CSMD3: variants seen among roughly 807,000 people sequenced by gnomAD.
CSMD3 encodes the protein CUB and Sushi multiple domains 3.
CSMD3 carries 177 observed loss-of-function variants against 435.2 expected under a neutral mutation model. The ratio of observed to expected loss-of-function variants is 0.41; its 90% CI spans 0.36 to 0.46. The LOEUF is 0.46. Ranked by LOEUF, CSMD3 falls within the 20% of genes least tolerant of loss-of-function variation. CSMD3 has a pLI of 0.34. For missense variants in CSMD3, 4,265 were observed against 4,504.6 expected (o/e 0.95, Z 1.52); for synonymous variants, 1,656 against 1,520.5 (o/e 1.09, Z -2.07).
In CSMD3 at chr8:112,380,440, A is replaced by G. The variant is rs2131235290; in HGVS notation, c.6048T>C (p.His2016=). Residue 2016 remains histidine, a synonymous_variant, in exon 38 of 71, where the codon CAT becomes CAC. Coordinates refer to ENST00000297405, the MANE Select transcript of CSMD3 (RefSeq NM_198123.2). ...LGSYSGTTIP[H]LLNSTSNNLY... is the part of the protein sequence containing the mutation. ...GATTATTAGACGTACTATTCAAAAG[A>G]TGGGGTATTGTTGTTCCTGAAATGA... 6.4e-7 allele frequency: 1 copy of G among 1,574,138 alleles called. No homozygotes were observed. The highest frequency in any genetic ancestry group is 8.7e-7 in the Non-Finnish European group (1 of 1,143,968).
At chr8:113,194,561 A>G (rs999124752) in intron 3 of CSMD3, among the ~76,000 whole-genome samples, 1 of 151,288 alleles carries the variant, frequency 6.6e-6, no homozygotes. Flanking sequence ...AATGATAATG[A>G]TTTGTCAATA....
chr8:112,358,800 C>A (rs1176787491), intron 38 of CSMD3, among the ~76,000 whole-genome samples: 1 of 152,104 alleles, frequency 6.6e-6, no homozygotes, highest in South Asian at 2.1e-4. Context: ...CAGACTAATA[C>A]AATTGCTATG....
intron 4 of CSMD3, among the ~76,000 whole-genome samples, chr8:113,158,611 T>C (rs758177119): frequency 6.6e-6 from 1 of 152,048 alleles, no homozygotes; most frequent in African/African-American, 2.4e-5. Flanking sequence ...TCCCTGAATA[T>C]AAATGCAAGC....
intron 32 of CSMD3, among the ~76,000 whole-genome samples, chr8:112,435,997 A>G (rs962074766): frequency 6.6e-6 from 1 of 152,022 alleles, no homozygotes; most frequent in East Asian, 1.9e-4. Flanking sequence ...TGCCCTAAAT[A>G]CCAGAGGATA....
intron 20 of CSMD3, among the ~76,000 whole-genome samples, chr8:112,642,170 C>A (rs1293515657): frequency 6.6e-6 from 1 of 151,666 alleles, no homozygotes; most frequent in Non-Finnish European, 1.5e-5. Flanking sequence ...CCAGCTATTA[C>A]CTAAAGGGTG....
intron 22 of CSMD3, among the ~76,000 whole-genome samples, chr8:112,593,241 G>T (rs990714239): frequency 6.6e-6 from 1 of 152,260 alleles, no homozygotes; most frequent in Admixed American, 6.5e-5. Context: ...CCAACTTTGA[G>T]AAATCCATTA....
rs150721502 is a variant in CSMD3 at position 112,287,234 on chromosome 8, C to G, written c.9161G>C (p.Gly3054Ala). The change falls in exon 58 of 71, where the codon GGG becomes GCG. Residue 3054 changes from glycine (G) to alanine (A), a missense_variant. Transcript: ENST00000297405. ...SQPHCSGDAT[G>A]TCGDPGTPGH... Reference sequence around the variant, plus strand: ...GGGAGTACCTGGATCGCCACATGTCCCAGTAGCATCACCTGCAATGCAGTA... The same window carrying G: ...GGGAGTACCTGGATCGCCACATGTCGCAGTAGCATCACCTGCAATGCAGTA... 6.2e-7 allele frequency: 1 copy of G among 1,613,484 alleles called. No homozygotes were observed. The highest frequency in any genetic ancestry group is 1.3e-5 in the African/African-American group (1 of 74,954).
chr8:112,896,417 T>G (rs560350679), intron 10 of CSMD3, among the ~76,000 whole-genome samples: 2 of 151,580 alleles, frequency 1.3e-5, no homozygotes, highest in Admixed American at 1.3e-4. Flanking sequence ...ATAAATATTG[T>G]TGATGCTTAG....
At chr8:112,369,291 T>C (rs1828091638) in intron 38 of CSMD3, among the ~76,000 whole-genome samples, 1 of 152,120 alleles carries the variant, frequency 6.6e-6, no homozygotes, top group African/African-American at 2.4e-5. Context: ...TTTAGATTTG[T>C]TTAATGCTTG....
intron 5 of CSMD3, among the ~76,000 whole-genome samples, chr8:113,030,417 TAAAAA>T (rs35890606): frequency 4.1e-5 from 1 of 24,352 alleles, no homozygotes; most frequent in Admixed American, 5.5e-4. Flanking sequence ...TTGGTACTGG[TAAAAA>T]AAAAAAAAAA....
intron 1 of CSMD3, among the ~76,000 whole-genome samples, chr8:113,327,386 T>A (rs2093991069): frequency 6.6e-6 from 1 of 152,216 alleles, no homozygotes; most frequent in African/African-American, 2.4e-5. Flanking sequence ...CAAAATCTAT[T>A]TTTTCCAGAG....
At chr8:113,031,299 A>C (rs1192241959) in intron 5 of CSMD3, among the ~76,000 whole-genome samples, 1 of 151,778 alleles carries the variant, frequency 6.6e-6, no homozygotes, top group Non-Finnish European at 1.5e-5. Flanking sequence ...CATATCATGG[A>C]ATACTACTCA....
chr8:113,208,892 T>C (rs1201179766), intron 3 of CSMD3, among the ~76,000 whole-genome samples: 1 of 152,150 alleles, frequency 6.6e-6, no homozygotes, highest in African/African-American at 2.4e-5. Flanking sequence ...ATGTAGATAT[T>C]GAAAATATCA....
chr8:113,160,062 T>C (rs1252106226), intron 4 of CSMD3, among the ~76,000 whole-genome samples: 1 of 151,948 alleles, frequency 6.6e-6, no homozygotes, highest in Non-Finnish European at 1.5e-5. Context: ...ATTGACACTT[T>C]TGTAAATAAC....
intron 13 of CSMD3, among the ~76,000 whole-genome samples, chr8:112,723,136 C>A (rs774449648): frequency 6.6e-6 from 1 of 151,802 alleles, no homozygotes; most frequent in Admixed American, 6.6e-5. Flanking sequence ...AATCATTAAC[C>A]TAAGTATGCA....
rs11778209 is a variant in CSMD3 at position 112,352,467 on chromosome 8, A to G, written c.6204T>C (p.Tyr2068=). 376,002 of 1,612,978 alleles carry G rather than the reference A, an allele frequency of 0.23. 46,369 individuals carry two copies. The highest frequency in any genetic ancestry group is 0.43 in the East Asian group (19,356 of 44,754). Residue 2068 remains tyrosine (Y), a synonymous_variant, in exon 39 of 71, where the codon TAT becomes TAC. Coordinates refer to ENST00000297405, the MANE Select transcript of CSMD3 (RefSeq NM_198123.2). ...PSSGIKIGDR[Y]MVGDVVSFQC... Reference sequence around the variant, plus strand: ...GAAAGGATACTACATCTCCAACCATATATCTGTCTCCAATTTTAATTCCAC... The same window carrying G: ...GAAAGGATACTACATCTCCAACCATGTATCTGTCTCCAATTTTAATTCCAC...
At chr8:112,315,471 T>G (rs1207387600) in intron 47 of CSMD3, among the ~76,000 whole-genome samples, 1 of 151,890 alleles carries the variant, frequency 6.6e-6, no homozygotes. Context: ...TATGCCATTT[T>G]AATCTCTTAC....
At chr8:113,154,457 T>TA (rs1413166808) in intron 4 of CSMD3, among the ~76,000 whole-genome samples, 1 of 152,020 alleles carries the variant, frequency 6.6e-6, no homozygotes, top group Non-Finnish European at 1.5e-5. Context: ...GTGTTTTTTT[T>TA]AATCTCTGAA....
chr8:112,492,335 C>T (rs1181592426), intron 31 of CSMD3, among the ~76,000 whole-genome samples, 154 bp downstream of exon 31: 2 of 152,140 alleles, frequency 1.3e-5, no homozygotes, highest in African/African-American at 4.8e-5. Context: ...TTATTGAATT[C>T]AACTTTAAAA....
Sources: allele counts gnomAD v4.1 joint callset (sites outside exome capture counted in the v4.1 genomes callset), GRCh38; gene constraint gnomAD v4.1.1; transcripts MANE v1.5; gene names NCBI Gene and HGNC (gene_info 2026-07-23, HGNC 2026-07-21).